FOCAD: variants seen among roughly 807,000 people sequenced by gnomAD.
The protein encoded by FOCAD is focadhesin, also known as KIAA1797.
FOCAD carries 198 observed loss-of-function variants against 225.6 expected under a neutral mutation model. That is an observed-to-expected ratio of 0.88 (90% CI 0.78 to 0.99). The LOEUF (loss-of-function observed/expected upper bound fraction) is 0.99. Among genes scored for constraint, FOCAD ranks in the 50% least tolerant of loss-of-function variants. FOCAD has a pLI of 0.00. For synonymous variants in FOCAD, 897 were observed against 755.0 expected (o/e 1.19, Z -3.08); for missense variants, 2,713 against 2,123.6 (o/e 1.28, Z -5.46).
At chr9:20,841,018 A>G (rs1402586852) in intron 15 of FOCAD, among the ~76,000 whole-genome samples, 1 of 151,972 alleles carries the variant, frequency 6.6e-6, no homozygotes, top group Non-Finnish European at 1.5e-5. Flanking sequence ...TATTGATACG[A>G]TATGTCATAT....
chr9:20,899,141 C>T (rs1832354736), intron 21 of FOCAD, among the ~76,000 whole-genome samples: 1 of 151,826 alleles, frequency 6.6e-6, no homozygotes, highest in Non-Finnish European at 1.5e-5. Context: ...TTTCTGATGG[C>T]AGACCTTGTT....
At chr9:20,965,097 G>C (rs910030218) in intron 35 of FOCAD, among the ~76,000 whole-genome samples, 3 of 152,136 alleles carry the variant, frequency 2.0e-5, no homozygotes, top group Admixed American at 1.3e-4. Context: ...GAACACCGAA[G>C]CTTAAGGAAG....
intron 3 of FOCAD, 131 bp from the exon 4 acceptor site, chr9:20,720,249 C>A (rs1381119862): frequency 4.6e-6 from 4 of 870,562 alleles, no homozygotes; most frequent in Non-Finnish European, 7.2e-6. Flanking sequence ...AACAGAGTGA[C>A]AACAGCATCA....
chr9:20,771,360 G>A (rs1208475979), intron 8 of FOCAD, among the ~76,000 whole-genome samples: 6 of 152,144 alleles, frequency 3.9e-5, no homozygotes, highest in African/African-American at 1.2e-4. Context: ...GATCTTTCTC[G>A]TAGGAAGATG....
At chr9:20,886,282 C>T (rs1210474770) in intron 21 of FOCAD, among the ~76,000 whole-genome samples, 5 of 152,082 alleles carry the variant, frequency 3.3e-5, no homozygotes, top group African/African-American at 9.7e-5. Flanking sequence ...GGAAGAGCAA[C>T]GCTTTTCTAG....
intron 29 of FOCAD, among the ~76,000 whole-genome samples, chr9:20,945,467 T>C (rs7875651): frequency 0.97 from 148,438 of 152,286 alleles, 72,490 homozygotes; most frequent in East Asian, 1. Context: ...AGCCTGCCCA[T>C]GAGCTATTGA....
At chr9:20,927,316 A>G (rs993490974) in intron 26 of FOCAD, among the ~76,000 whole-genome samples, 1 of 152,156 alleles carries the variant, frequency 6.6e-6, no homozygotes, top group Non-Finnish European at 1.5e-5. Flanking sequence ...AATATCATCT[A>G]TAGTAGTTGT....
chr9:20,841,461 G>T (rs1826520580), intron 15 of FOCAD, among the ~76,000 whole-genome samples: 1 of 151,502 alleles, frequency 6.6e-6, no homozygotes, highest in Non-Finnish European at 1.5e-5. Context: ...GTCCATTCAG[G>T]TTTTGGATTT....
In FOCAD at chr9:20,913,145, TACAC is replaced by T. The variant is rs56856864; in HGVS notation, c.2807+232_2807+235del. 0.091 allele frequency among the ~76,000 whole-genome samples: 12,461 copies of T among 137,134 alleles called. 575 individuals carry two copies. Among genetic ancestry groups the T allele is most frequent in the Middle Eastern group, 0.13 (35 of 274 alleles). The allele number at this position is 137,134 out of a possible 152,430, so 90.0% of individuals were successfully genotyped here. ...GAGAGCTTTATTTATAAATTATACA[TACAC>T]ACACACACACACACACACACACACA... On this transcript the variant is annotated intron_variant, in intron 23 of 43. Transcript: ENST00000338382.
chr9:20,828,883 C>A (rs543696129), intron 15 of FOCAD, among the ~76,000 whole-genome samples: 1 of 152,034 alleles, frequency 6.6e-6, no homozygotes, highest in Non-Finnish European at 1.5e-5. Flanking sequence ...TGAGAACATG[C>A]GGTATTTGGT....
chr9:20,675,776 A>G (rs147684206), intron 2 of FOCAD, among the ~76,000 whole-genome samples: 2 of 152,178 alleles, frequency 1.3e-5, no homozygotes, highest in African/African-American at 4.8e-5. Context: ...TGTTGTTTGA[A>G]GAGTTGAAGA....
intron 21 of FOCAD, among the ~76,000 whole-genome samples, chr9:20,895,725 A>G (rs974965141): frequency 1.3e-5 from 2 of 151,810 alleles, no homozygotes; most frequent in African/African-American, 2.4e-5. Flanking sequence ...GTAACCTTGT[A>G]TCTTGCAATT....
At chr9:20,919,515 G>T (rs1447378414) in intron 24 of FOCAD, among the ~76,000 whole-genome samples, 1 of 152,124 alleles carries the variant, frequency 6.6e-6, no homozygotes. Flanking sequence ...TCAATCCTAA[G>T]CCAAAAGAAC....
intron 4 of FOCAD, among the ~76,000 whole-genome samples, chr9:20,722,038 C>T (rs1051346331): frequency 2.4e-5 from 3 of 126,238 alleles, no homozygotes; most frequent in Non-Finnish European, 5.0e-5. Context: ...CCTTCTCCCT[C>T]TCTCTCTCTT....
chr9:20,899,225 G>C (rs1003317961), intron 21 of FOCAD, among the ~76,000 whole-genome samples: 1 of 151,872 alleles, frequency 6.6e-6, no homozygotes, highest in Non-Finnish European at 1.5e-5. Context: ...AGTTTTTTCT[G>C]ATATTCACTA....
chr9:20,969,974 A>T (rs1204566513), intron 35 of FOCAD, among the ~76,000 whole-genome samples: 2 of 135,638 alleles, frequency 1.5e-5, no homozygotes, highest in Non-Finnish European at 3.1e-5. Flanking sequence ...TGTTGGATAC[A>T]GCATTTTTCG....
At chr9:20,666,417 G>A (rs994952432) in intron 2 of FOCAD, among the ~76,000 whole-genome samples, 1 of 151,894 alleles carries the variant, frequency 6.6e-6, no homozygotes, top group African/African-American at 2.4e-5. Context: ...TAAAAAATAC[G>A]AAAACAGCTG....
At chr9:20,739,681 G>C (rs1451619586) in intron 4 of FOCAD, among the ~76,000 whole-genome samples, 1 of 151,610 alleles carries the variant, frequency 6.6e-6, no homozygotes, top group Non-Finnish European at 1.5e-5. Context: ...ATATTTTCCA[G>C]GGAGATCTTT....
At chr9:20,731,192 C>T (rs1320276278) in intron 4 of FOCAD, among the ~76,000 whole-genome samples, 1 of 152,072 alleles carries the variant, frequency 6.6e-6, no homozygotes, top group East Asian at 1.9e-4. Flanking sequence ...GAGCCAAGAT[C>T]GTGCCACTGC....
Sources: gnomAD v4.1 joint callset for allele counts (sites outside exome capture counted in the v4.1 genomes callset) on GRCh38, gnomAD v4.1.1 for gene constraint, MANE v1.5 for transcripts, NCBI Gene and HGNC (gene_info 2026-07-23, HGNC 2026-07-21) for gene names.